Variants in MAGI1 observed in about 807,000 individuals in gnomAD.
MAGI1 encodes membrane-associated guanylate kinase, WW and PDZ domain-containing protein 1.
Under a neutral mutation model 139.9 loss-of-function variants are expected in MAGI1, and 58 were observed. The observed-to-expected ratio is 0.41, with a 90% CI of 0.34 to 0.52. The LOEUF (loss-of-function observed/expected upper bound fraction) is 0.52. Ranked by LOEUF, MAGI1 falls within the 20% of genes least tolerant of loss-of-function variation. The pLI, the probability that MAGI1 is intolerant of heterozygous loss-of-function variation, is 0.12. For missense variants in MAGI1, 1,874 were observed against 1,901.6 expected (o/e 0.99, Z 0.27); for synonymous variants, 812 against 737.9 (o/e 1.10, Z -1.63).
chr3:65,575,125 G>T (rs1039036385), intron 2 of MAGI1, among the ~76,000 whole-genome samples: 2 of 151,918 alleles, frequency 1.3e-5, no homozygotes, highest in African/African-American at 4.8e-5. Flanking sequence ...GAAAACGTAA[G>T]GCACATATTG....
rs1947330113 is a variant in MAGI1 at position 65,429,652 on chromosome 3, C to T, written c.2035G>A (p.Gly679Ser). The change falls in exon 12 of 23, where the codon GGC (glycine) becomes AGC (serine). Residue 679 changes from glycine (G) to serine (S), a missense_variant. Around this residue, in one of 5 missense-constraint regions of MAGI1, gnomAD observed 482 missense variants for 509.6 expected, o/e 0.95. Transcript: ENST00000402939. ...KQIVDSPRCR[G>S]LKEGDLIVEV... is the part of the protein sequence containing the mutation. The stretch of plus-strand genomic sequence containing the variant: ...ACTATGAGATCCCCTTCTTTCAGGC[C>T]TCGGCACCTTGGGCTGTCAACAATC... The T allele has an allele frequency of 1.2e-6, 2 of 1,613,938 alleles. No homozygotes were observed. The highest frequency in any genetic ancestry group is 1.7e-6 in the Non-Finnish European group (2 of 1,179,946).
chr3:65,518,661 T>C (rs1347961424), intron 2 of MAGI1, among the ~76,000 whole-genome samples: 1 of 152,088 alleles, frequency 6.6e-6, no homozygotes, highest in Non-Finnish European at 1.5e-5. Flanking sequence ...TTCACAAACA[T>C]CGACACCATG....
chr3:65,922,984 A>G (rs1490934988), intron 1 of MAGI1, among the ~76,000 whole-genome samples: 1 of 152,206 alleles, frequency 6.6e-6, no homozygotes, highest in African/African-American at 2.4e-5. Flanking sequence ...TATGCTGAAC[A>G]TAAGAGATTC....
At chr3:65,612,643 T>C (rs969492359) in intron 2 of MAGI1, among the ~76,000 whole-genome samples, 4 of 152,254 alleles carry the variant, frequency 2.6e-5, no homozygotes, top group African/African-American at 9.6e-5. Flanking sequence ...CAGAACACAA[T>C]TGGTGAAATT....
intron 1 of MAGI1, among the ~76,000 whole-genome samples, chr3:65,828,874 C>CTG (rs1196363852): frequency 6.6e-6 from 1 of 152,190 alleles, no homozygotes; most frequent in Non-Finnish European, 1.5e-5. Flanking sequence ...CTCAACCCTG[C>CTG]TGTGGCTGGC....
chr3:65,546,055 T>C (rs2107934790), intron 2 of MAGI1, among the ~76,000 whole-genome samples: 2 of 151,960 alleles, frequency 1.3e-5, no homozygotes, highest in South Asian at 4.2e-4. Context: ...GTCCCAACCC[T>C]AGCCTTCCAG....
At chr3:65,871,999 T>C (rs1449012900) in intron 1 of MAGI1, among the ~76,000 whole-genome samples, 1 of 152,182 alleles carries the variant, frequency 6.6e-6, no homozygotes, top group Non-Finnish European at 1.5e-5. Context: ...AATACACTGG[T>C]GTCAACTTAT....
chr3:65,643,943 G>A (rs1191021132), intron 1 of MAGI1, among the ~76,000 whole-genome samples: 1 of 152,102 alleles, frequency 6.6e-6, no homozygotes, highest in East Asian at 1.9e-4. Flanking sequence ...TCGACCCCAT[G>A]GGTGGAATCT....
intron 1 of MAGI1, among the ~76,000 whole-genome samples, chr3:65,843,294 T>G (rs2058872391): frequency 6.6e-6 from 1 of 152,138 alleles, no homozygotes; most frequent in Non-Finnish European, 1.5e-5. Context: ...GCAAGGACTG[T>G]CAACCAGGAG....
At position 65,711,062 on chromosome 3, in the gene MAGI1, G is replaced by A. The variant is rs555407382; in HGVS notation, c.314-88974C>T. Among the ~76,000 whole-genome samples the A allele has an allele frequency of 4.6e-5, 7 of 152,150 alleles. No individual in the cohort carries two copies. The South Asian group carries it at 1.0e-3, about 23-fold the overall frequency. ...ATGAAGACAATTCCCAAACCTACTGGTTCCAGTCTACACCTTAAACTCCAA... is the reference window on the plus strand; with the variant it reads ...ATGAAGACAATTCCCAAACCTACTGATTCCAGTCTACACCTTAAACTCCAA... On this transcript the variant is annotated intron_variant, in intron 1 of 22. Coordinates refer to ENST00000402939, the MANE Select transcript of MAGI1 (RefSeq NM_001033057.2).
chr3:65,583,158 A>G (rs1412390563), intron 2 of MAGI1, among the ~76,000 whole-genome samples: 1 of 152,130 alleles, frequency 6.6e-6, no homozygotes, highest in Non-Finnish European at 1.5e-5. Flanking sequence ...ACGTATCTCA[A>G]TGGCCCCAAC....
chr3:65,791,947 C>T (rs751852868), intron 1 of MAGI1, among the ~76,000 whole-genome samples: 1 of 152,074 alleles, frequency 6.6e-6, no homozygotes, highest in South Asian at 2.1e-4. Context: ...CACTAGTTCT[C>T]CCTTATCTGC....
chr3:65,949,220 G>A (rs1253095107), intron 1 of MAGI1, among the ~76,000 whole-genome samples: 9 of 152,174 alleles, frequency 5.9e-5, no homozygotes, highest in Non-Finnish European at 8.8e-5. Flanking sequence ...TAATAAACCT[G>A]TGCAAGCTGT....
intron 1 of MAGI1, among the ~76,000 whole-genome samples, chr3:65,871,459 G>C (rs944942450): frequency 1.3e-5 from 2 of 152,192 alleles, no homozygotes; most frequent in African/African-American, 4.8e-5. Flanking sequence ...ACAACACTGA[G>C]AAAAGCAAAT....
intron 12 of MAGI1, among the ~76,000 whole-genome samples, chr3:65,422,801 G>C (rs538735070): frequency 6.6e-6 from 1 of 152,242 alleles, no homozygotes; most frequent in Admixed American, 6.5e-5. Flanking sequence ...TGAAAGATGT[G>C]AGTGAGGAGG....
intron 1 of MAGI1, among the ~76,000 whole-genome samples, chr3:65,686,006 A>G (rs190503260): frequency 6.6e-6 from 1 of 152,310 alleles, no homozygotes; most frequent in East Asian, 1.9e-4. Flanking sequence ...ATGGCCATAG[A>G]AACTTTTTCC....
intron 1 of MAGI1, among the ~76,000 whole-genome samples, chr3:65,951,020 GAA>G (rs763154993): frequency 0.072 from 8,436 of 116,514 alleles, 950 homozygotes; most frequent in Non-Finnish European, 0.1. Flanking sequence ...AGGAAGGAAG[GAA>G]GGAAGGAAGG....
At chr3:65,942,570 T>C (rs1322066188) in intron 1 of MAGI1, among the ~76,000 whole-genome samples, 2 of 152,162 alleles carry the variant, frequency 1.3e-5, no homozygotes, top group African/African-American at 4.8e-5. Context: ...GAGGTCAAAG[T>C]TCTAATGATT....
At chr3:65,739,527 G>C (rs56328483) in intron 1 of MAGI1, among the ~76,000 whole-genome samples, 2 of 152,188 alleles carry the variant, frequency 1.3e-5, no homozygotes, top group Admixed American at 6.5e-5. Flanking sequence ...AAGAGGCCTA[G>C]CTTTCAGCCG....
Sources: allele counts gnomAD v4.1 joint callset (sites outside exome capture counted in the v4.1 genomes callset), GRCh38; gene constraint gnomAD v4.1.1; regional missense constraint gnomAD v4.1.1; transcripts MANE v1.5; gene names NCBI Gene and HGNC (gene_info 2026-07-23, HGNC 2026-07-21).